The following NOS1 variants were observed in gnomAD, a reference collection of about 807,000 sequenced individuals.
The protein encoded by NOS1 is NOS type I.
In NOS1, 51 loss-of-function variants were observed where a neutral mutation model predicts 164.5. That is an observed-to-expected ratio of 0.31 (90% CI 0.25 to 0.39). The LOEUF is 0.39. Among genes scored for constraint, NOS1 ranks in the 10% least tolerant of loss-of-function variants. NOS1 has a pLI of 1.00. For synonymous variants in NOS1, 719 were observed against 745.8 expected (o/e 0.96, Z 0.59); for missense variants, 1,362 against 1,885.6 (o/e 0.72, Z 5.14).
intron 22 of NOS1, among the ~76,000 whole-genome samples, chr12:117,230,497 C>A (rs1479609446): frequency 1.3e-5 from 2 of 152,174 alleles, no homozygotes; most frequent in Non-Finnish European, 2.9e-5. Flanking sequence ...AAATACTATG[C>A]ACTCGCTAAT....
chr12:117,226,827 C>T (rs1868719904), intron 23 of NOS1, 57 bp from the exon 24 acceptor site: 1 of 1,360,834 alleles, frequency 7.3e-7, no homozygotes, highest in Non-Finnish European at 1.0e-6. Flanking sequence ...ACGGCCTCCC[C>T]TCCTCCCTCC....
At chr12:117,298,612 C>T (rs2136038304) in intron 3 of NOS1, among the ~76,000 whole-genome samples, 1 of 152,284 alleles carries the variant, frequency 6.6e-6, no homozygotes, top group South Asian at 2.1e-4. Context: ...AGCATGGGTC[C>T]TGATCCAGTA....
At chr12:117,258,477 T>C in intron 15 of NOS1, 22 bp from the exon 16 acceptor site, 1 of 1,612,862 alleles carries the variant, frequency 6.2e-7, no homozygotes, top group Non-Finnish European at 8.5e-7. Flanking sequence ...AACATATGGG[T>C]GAAATTAGCA....
chr12:117,307,692 C>A (rs1874221629), intron 3 of NOS1, among the ~76,000 whole-genome samples: 1 of 152,008 alleles, frequency 6.6e-6, no homozygotes, highest in South Asian at 2.1e-4. Context: ...AAAACATGAA[C>A]CTCTTGGTCC....
intron 1 of NOS1, among the ~76,000 whole-genome samples, chr12:117,351,605 A>C (rs1876622429): frequency 1.3e-5 from 2 of 152,352 alleles, no homozygotes; most frequent in Middle Eastern, 6.8e-3. Context: ...GAACCTGGAT[A>C]GTCAAGGGCA....
intron 20 of NOS1, among the ~76,000 whole-genome samples, chr12:117,237,739 C>A (rs1054572210): frequency 2.6e-5 from 4 of 151,978 alleles, no homozygotes; most frequent in African/African-American, 9.7e-5. Flanking sequence ...CACCTGTGAA[C>A]TGCTCAAGGT....
chr12:117,359,437 C>A (rs1200744059), intron 1 of NOS1, among the ~76,000 whole-genome samples: 3 of 152,204 alleles, frequency 2.0e-5, no homozygotes, highest in Admixed American at 6.5e-5. Context: ...GAATTTCTTG[C>A]GTTTGCCCCG....
chr12:117,227,666 C>T (rs1298432335), intron 22 of NOS1, 25 bp from the exon 23 acceptor site: 3 of 1,611,370 alleles, frequency 1.9e-6, no homozygotes, highest in Non-Finnish European at 2.5e-6. Context: ...TGGACAGAGA[C>T]AAGCTTGAAC....
intron 22 of NOS1, among the ~76,000 whole-genome samples, chr12:117,228,385 A>G (rs1868887469): frequency 2.6e-5 from 4 of 152,132 alleles, no homozygotes; most frequent in Admixed American, 2.0e-4. Flanking sequence ...GAGACGCACT[A>G]TGGAAGGGAG....
intron 1 of NOS1, among the ~76,000 whole-genome samples, chr12:117,332,192 A>T (rs1875580784): frequency 6.6e-6 from 1 of 152,228 alleles, no homozygotes; most frequent in Non-Finnish European, 1.5e-5. Context: ...CTCAATGAAC[A>T]TTCGTTGACT....
intron 17 of NOS1, among the ~76,000 whole-genome samples, chr12:117,249,220 G>C (rs1352957536): frequency 6.6e-6 from 1 of 152,186 alleles, no homozygotes. Context: ...GTGTTTAGCT[G>C]TTGGTGGTCA....
rs1234690459 is a variant in NOS1, at chr12:117,259,124, A to T, written c.2374T>A (p.Ser792Thr). Reference protein sequence around the residue: ...FKHAFDAKVMSMEEYDIVHLE... With the variant: ...FKHAFDAKVMTMEEYDIVHLE... Reference sequence around the variant, plus strand: ...TGCACAATGTCATATTCTTCCATGGACATCACCTAGGTGGGCAGGGCACAG... The same window carrying T: ...TGCACAATGTCATATTCTTCCATGGTCATCACCTAGGTGGGCAGGGCACAG... The change falls in exon 15 of 29, where the codon TCC (serine) becomes ACC (threonine). Residue 792 changes from serine (S) to threonine (T), a missense_variant. Transcript: ENST00000317775. 6.2e-7 allele frequency: 1 copy of T among 1,612,896 alleles called. No homozygotes were observed. The highest frequency in any genetic ancestry group is 1.7e-5 in the Admixed American group (1 of 60,010).
chr12:117,274,395 C>T (rs78508755), intron 9 of NOS1, among the ~76,000 whole-genome samples: 3,650 of 152,142 alleles, frequency 0.024, 142 homozygotes, highest in African/African-American at 0.083. Flanking sequence ...GTATGCAGAA[C>T]GGTATGGCAG....
At chr12:117,361,334 C>G (rs1304484172) in intron 1 of NOS1, among the ~76,000 whole-genome samples, 178 bp downstream of exon 1, 1 of 151,782 alleles carries the variant, frequency 6.6e-6, no homozygotes, top group Non-Finnish European at 1.5e-5. Context: ...TCCCCTTCCC[C>G]TCCGCTTTGT....
intron 4 of NOS1, among the ~76,000 whole-genome samples, chr12:117,288,683 A>T (rs1250998948): frequency 6.6e-6 from 1 of 152,046 alleles, no homozygotes; most frequent in African/African-American, 2.4e-5. Context: ...CTATCCCTTA[A>T]CCCCTTGACT....
chr12:117,211,691 G>A lies in NOS1; in HGVS notation c.*3618C>T. 3.0e-6 allele frequency: 3 copies of A among 985,406 alleles called. No individual in the cohort carries two copies. The highest frequency in any genetic ancestry group is 3.6e-6 in the Non-Finnish European group (3 of 830,020). 61.0% of individuals were successfully genotyped at this position (985,406 alleles called of 1,614,324 possible). A position where few individuals can be genotyped will look rare whatever the true frequency, so the allele number is the denominator to read the frequency against. On this transcript the variant is annotated 3_prime_UTR_variant, in exon 29 of 29. Transcript: ENST00000317775. ...ATTCCTGGACAACTCTTACCTTCCA[G>A]AAGCTACCAGTGAAATCCCGCCCAT...
chr12:117,294,024 C>T (rs11835005), intron 3 of NOS1, among the ~76,000 whole-genome samples: 8,855 of 152,150 alleles, frequency 0.058, 750 homozygotes, highest in African/African-American at 0.18. Flanking sequence ...GGCTTTGTAG[C>T]AAACACATCC....
chr12:117,227,949 T>C (rs1161285578), intron 22 of NOS1, among the ~76,000 whole-genome samples: 1 of 151,926 alleles, frequency 6.6e-6, no homozygotes, highest in African/African-American at 2.4e-5. Flanking sequence ...GAGGACTGCT[T>C]GAGTTCAGGT....
intron 3 of NOS1, among the ~76,000 whole-genome samples, chr12:117,298,593 G>A (rs1412513143): frequency 1.3e-5 from 2 of 152,164 alleles, no homozygotes; most frequent in African/African-American, 4.8e-5. Context: ...AGTTAAAAAC[G>A]AGGTCATCAG....
Sources: gnomAD v4.1 joint callset for allele counts (sites outside exome capture counted in the v4.1 genomes callset) on GRCh38, gnomAD v4.1.1 for gene constraint, MANE v1.5 for transcripts, NCBI Gene and HGNC (gene_info 2026-07-23, HGNC 2026-07-21) for gene names.